SPOCK1: variants seen among roughly 807,000 people sequenced by gnomAD.
SPOCK1 encodes SPARC (osteonectin), cwcv and kazal like domains proteoglycan 1.
In SPOCK1, 23 loss-of-function variants were observed where a neutral mutation model predicts 55.3. That is an observed-to-expected ratio of 0.42 (90% CI 0.30 to 0.59). SPOCK1 has a LOEUF of 0.59. Ranked by LOEUF, SPOCK1 falls within the 20% of genes least tolerant of loss-of-function variation. SPOCK1 has a pLI of 0.22. For missense variants in SPOCK1, 499 were observed against 552.5 expected (o/e 0.90, Z 0.97); for synonymous variants, 226 against 221.0 (o/e 1.02, Z -0.20).
Position 137,112,470 on chromosome 5 carries a change from C to T in SPOCK1, c.439G>A (p.Val147Ile). 6.2e-7 allele frequency: 1 copy of T among 1,613,966 alleles called. No individual in the cohort carries two copies. Among genetic ancestry groups the T allele is most frequent in the Non-Finnish European group, 8.5e-7 (1 of 1,180,000 alleles). Residue 147 changes from valine (V) to isoleucine (I), a missense_variant, in exon 5 of 11, where the codon GTC becomes ATC. By Grantham distance (29) the Val-to-Ile change is conservative (BLOSUM62 3). Transcript: ENST00000394945. ...KPCPVAQSAM[V>I]CGSDGHSYTS... is the part of the protein sequence containing the mutation. ...TAGGAGTGGCCATCTGAGCCGCAGA[C>T]CATGGCTGACTGTGCCACGGGACAG... is the stretch of plus-strand genomic sequence containing the variant.
rs773738015 is a variant in SPOCK1, at chr5:137,143,779, C to T, written c.233-3085G>A. 2.0e-4 allele frequency among the ~76,000 whole-genome samples: 31 copies of T among 152,236 alleles called. No individual in the cohort carries two copies. The South Asian group carries it at 2.3e-3, about 11-fold the overall frequency. On this transcript the variant is annotated intron_variant, in intron 3 of 10. Transcript: ENST00000394945. ...CAGGCAGTGAACTCTGATTGGATTA[C>T]CACATTTAATTTTCATAGCCACCAA...
chr5:137,177,209 A>T (rs1263423468), intron 3 of SPOCK1, among the ~76,000 whole-genome samples: 1 of 152,220 alleles, frequency 6.6e-6, no homozygotes, highest in Non-Finnish European at 1.5e-5. Flanking sequence ...TAGCTGCAGA[A>T]ATTCCTCCCA....
At chr5:137,485,629 T>C (rs1205510836) in intron 2 of SPOCK1, among the ~76,000 whole-genome samples, 1 of 152,196 alleles carries the variant, frequency 6.6e-6, no homozygotes, top group East Asian at 1.9e-4. Flanking sequence ...AGTGCTATTA[T>C]GTAATAAACA....
intron 3 of SPOCK1, among the ~76,000 whole-genome samples, chr5:137,197,861 AATCTATAT>A (rs1159939523): frequency 6.6e-6 from 1 of 152,194 alleles, no homozygotes; most frequent in African/African-American, 2.4e-5. Context: ...TAAACAAGAC[AATCTATAT>A]AAAGTACCTG....
chr5:137,228,517 C>T (rs929079631), intron 3 of SPOCK1, among the ~76,000 whole-genome samples: 2 of 152,112 alleles, frequency 1.3e-5, no homozygotes, highest in Non-Finnish European at 1.5e-5. Context: ...GTGGTGTGCA[C>T]CTGTAGTCCC....
At chr5:137,222,921 T>C (rs569143450) in intron 3 of SPOCK1, among the ~76,000 whole-genome samples, 50 of 151,868 alleles carry the variant, frequency 3.3e-4, no homozygotes, top group Non-Finnish European at 3.5e-4. Flanking sequence ...AGATACACAG[T>C]ATATTGGTGG....
chr5:137,030,891 A>G (rs1387997353), intron 6 of SPOCK1, among the ~76,000 whole-genome samples: 2 of 152,208 alleles, frequency 1.3e-5, no homozygotes, highest in Admixed American at 1.3e-4. Context: ...TTTAAAATCA[A>G]TTCCTCAAAA....
At chr5:137,040,862 C>T (rs774226411) in intron 6 of SPOCK1, among the ~76,000 whole-genome samples, 11 of 152,138 alleles carry the variant, frequency 7.2e-5, no homozygotes, top group Non-Finnish European at 1.6e-4. Context: ...CTGCTGAACT[C>T]ACTGGCCAAG....
chr5:137,133,943 C>T (rs964177567), intron 4 of SPOCK1, among the ~76,000 whole-genome samples: 1 of 94,446 alleles, frequency 1.1e-5, no homozygotes, highest in Non-Finnish European at 2.1e-5. Context: ...GGGCCAGGAG[C>T]AGATGGGCTG....
intron 2 of SPOCK1, among the ~76,000 whole-genome samples, chr5:137,439,568 G>T (rs1028866789): frequency 2.0e-5 from 3 of 152,208 alleles, no homozygotes; most frequent in Non-Finnish European, 2.9e-5. Flanking sequence ...CAACAGAGCT[G>T]CCTGCTCCTT....
intron 2 of SPOCK1, among the ~76,000 whole-genome samples, chr5:137,386,597 A>C (rs1751603467): frequency 6.6e-6 from 1 of 152,204 alleles, no homozygotes; most frequent in Non-Finnish European, 1.5e-5. Context: ...GTGCTAGAAA[A>C]ATTGGACATC....
chr5:137,392,848 C>G (rs1287465009), intron 2 of SPOCK1, among the ~76,000 whole-genome samples: 1 of 152,138 alleles, frequency 6.6e-6, no homozygotes, highest in African/African-American at 2.4e-5. Flanking sequence ...TTTCTCCAGC[C>G]TCTATTCACC....
chr5:137,271,465 A>G (rs1373195511), intron 2 of SPOCK1, among the ~76,000 whole-genome samples: 1 of 151,566 alleles, frequency 6.6e-6, no homozygotes, highest in Non-Finnish European at 1.5e-5. Flanking sequence ...AGACCACTCC[A>G]CTCTATAATG....
intron 6 of SPOCK1, among the ~76,000 whole-genome samples, chr5:137,017,785 TA>T (rs1343250737): frequency 2.0e-5 from 3 of 152,174 alleles, no homozygotes; most frequent in African/African-American, 7.2e-5. Flanking sequence ...GGTCTGTATA[TA>T]TCAAAGCCAT....
At chr5:137,343,832 T>C (rs996538486) in intron 2 of SPOCK1, among the ~76,000 whole-genome samples, 2 of 152,110 alleles carry the variant, frequency 1.3e-5, no homozygotes, top group Non-Finnish European at 2.9e-5. Flanking sequence ...GCTACTGACA[T>C]TCCCCCAGTT....
chr5:137,162,643 A>G (rs1754581727), intron 3 of SPOCK1, among the ~76,000 whole-genome samples: 1 of 152,162 alleles, frequency 6.6e-6, no homozygotes, highest in Non-Finnish European at 1.5e-5. Context: ...TGTACAAGAC[A>G]GCTTCCTCCC....
At chr5:137,170,587 TTCTCTC>T (rs56347412) in intron 3 of SPOCK1, among the ~76,000 whole-genome samples, 2,286 of 142,508 alleles carry the variant, frequency 0.016, 66 homozygotes, top group African/African-American at 0.054. Flanking sequence ...AGCCTGTTAT[TTCTCTC>T]TCTCTCTCTC....
Position 137,426,437 on chromosome 5 carries a change from C to T in SPOCK1, c.186+71936G>A, listed in dbSNP as rs111992458. On this transcript the variant is annotated intron_variant, in intron 2 of 10. Transcript: ENST00000394945. ...ATACTCTTTGGATACCAACTGACATCAACAAAAGAAATGAGGGCTTTTCAG... is the reference window on the plus strand; with the variant it reads ...ATACTCTTTGGATACCAACTGACATTAACAAAAGAAATGAGGGCTTTTCAG... 4.3e-3 allele frequency among the ~76,000 whole-genome samples: 651 copies of T among 152,266 alleles called. 6 individuals are homozygous for T. The highest frequency in any genetic ancestry group is 4.7e-3 in the Non-Finnish European group (317 of 68,028).
intron 3 of SPOCK1, among the ~76,000 whole-genome samples, chr5:137,225,363 CT>C (rs1178020688): frequency 1.3e-5 from 2 of 152,116 alleles, no homozygotes; most frequent in Non-Finnish European, 2.9e-5. Flanking sequence ...AGGATAATGT[CT>C]ACAATGCTTG....
Sources: gnomAD v4.1 joint callset for allele counts (sites outside exome capture counted in the v4.1 genomes callset) on GRCh38, gnomAD v4.1.1 for gene constraint, MANE v1.5 for transcripts, NCBI Gene and HGNC (gene_info 2026-07-23, HGNC 2026-07-21) for gene names.